HNF4A: variants seen among roughly 807,000 people sequenced by gnomAD.
The protein encoded by HNF4A is hepatocyte nuclear factor 4 alpha.
In HNF4A, 15 loss-of-function variants were observed where a neutral mutation model predicts 52.4. The observed-to-expected ratio is 0.29, with a 90% CI of 0.19 to 0.44. The LOEUF (loss-of-function observed/expected upper bound fraction) is 0.44. HNF4A is among the 20% of genes least tolerant of loss of function. The pLI, the probability that HNF4A is intolerant of heterozygous loss-of-function variation, is 1.00. For synonymous variants in HNF4A, 280 were observed against 264.4 expected (o/e 1.06, Z -0.57); for missense variants, 479 against 647.2 (o/e 0.74, Z 2.82).
chr20:44,411,465 C>T (rs1354857975), intron 3 of HNF4A, among the ~76,000 whole-genome samples: 1 of 151,716 alleles, frequency 6.6e-6, no homozygotes, highest in African/African-American at 2.4e-5. Context: ...TCATTCCGCC[C>T]GCCGGCCACT....
intron 1 of HNF4A, among the ~76,000 whole-genome samples, chr20:44,370,899 A>C (rs2063026734): frequency 6.6e-6 from 1 of 152,168 alleles, no homozygotes; most frequent in Non-Finnish European, 1.5e-5. Context: ...TGGGCCGCCA[A>C]ACTGCCAACG....
In HNF4A at chr20:44,428,441, C is replaced by G. The variant is rs955411893; in HGVS notation, c.1236C>G (p.Leu412=). The G allele has an allele frequency of 6.2e-7, 1 of 1,614,080 alleles. No individual in the cohort carries two copies. The highest frequency in any genetic ancestry group is 8.5e-7 in the Non-Finnish European group (1 of 1,180,042). The change falls in exon 9 of 10, where the codon CTC becomes CTG. Residue 412 remains leucine, a synonymous_variant. Coordinates refer to ENST00000316099, the MANE Select transcript of HNF4A (RefSeq NM_000457.6). The stretch of plus-strand genomic sequence containing the variant: ...TTGCCAACACAATGCCCACTCACCT[C>G]AGCAACGGACAGATGTGTGAGTGGC...
chr20:44,364,037 GC>G (rs2062945146), intron 1 of HNF4A, among the ~76,000 whole-genome samples: 1 of 152,062 alleles, frequency 6.6e-6, no homozygotes, highest in Non-Finnish European at 1.5e-5. Context: ...ATCTGGCTCA[GC>G]CATTGTCACA....
At chr20:44,400,512 A>AG (rs1403531379), upstream of HNF4A, among the ~76,000 whole-genome samples, 2 of 151,306 alleles carry the variant, frequency 1.3e-5, no homozygotes, top group Admixed American at 6.6e-5. Context: ...AGTAGACGGT[A>AG]GGTGCCTGAA....
At chr20:44,411,642 G>A (rs559059189) in intron 3 of HNF4A, among the ~76,000 whole-genome samples, 29 of 152,310 alleles carry the variant, frequency 1.9e-4, no homozygotes, top group Non-Finnish European at 2.8e-4. Flanking sequence ...TCTATCCACT[G>A]ACTCCCGGGC....
chr20:44,356,616 C>A (rs114522265), intron 1 of HNF4A, among the ~76,000 whole-genome samples: 1 of 152,152 alleles, frequency 6.6e-6, no homozygotes, highest in Non-Finnish European at 1.5e-5. Context: ...GAAAACGGTA[C>A]ACTGAAGAAC....
In HNF4A at chr20:44,362,951, C is replaced by T. The variant is rs371530686; in HGVS notation, c.49+7098C>T. On this transcript the variant is annotated intron_variant, in intron 1 of 9. Transcript: ENST00000316673. ...CTGCCTCCTGGGTTCAAACAATTCT[C>T]CTGCCTCAGCCTCCTGAGTAGCTGG... Among the ~76,000 whole-genome samples the T allele has an allele frequency of 2.6e-3, 398 of 151,822 alleles. 3 individuals are homozygous for T. In the South Asian group the frequency reaches 0.029, roughly 11 times the overall value.
chr20:44,390,417 G>GC (rs1387718507), intron 1 of HNF4A: 2 of 533,800 alleles, frequency 3.7e-6, no homozygotes, highest in African/African-American at 3.8e-5. Context: ...GGAGCCCCTT[G>GC]CAGAGCCCTG....
rs958629232 is a variant in HNF4A at position 44,364,317 on chromosome 20, C to A, written c.49+8464C>A. On this transcript the variant is annotated intron_variant, in intron 1 of 9. Coordinates refer to the HNF4A transcript ENST00000316673. ...TCAGCCTCCCAGCCCCTGGGATTACCTGCTCATGCCACTGCACCCGGCACT... is the reference window on the plus strand; with the variant it reads ...TCAGCCTCCCAGCCCCTGGGATTACATGCTCATGCCACTGCACCCGGCACT... Among the ~76,000 whole-genome samples the A allele has an allele frequency of 2.6e-5, 4 of 152,280 alleles. No homozygotes were observed. In the East Asian group the frequency reaches 7.7e-4, roughly 29 times the overall value.
chr20:44,378,918 CAAAA>C (rs61103959), intron 1 of HNF4A, among the ~76,000 whole-genome samples: 8 of 129,184 alleles, frequency 6.2e-5, no homozygotes, highest in Non-Finnish European at 9.9e-5. Context: ...GACCCCGTCT[CAAAA>C]AAAAAAAAAA....
chr20:44,417,060 A>G (rs759569793), intron 5 of HNF4A, among the ~76,000 whole-genome samples: 5 of 152,238 alleles, frequency 3.3e-5, no homozygotes, highest in Non-Finnish European at 7.3e-5. Flanking sequence ...GTTTTTAAAC[A>G]TTGTGCCTCC....
At chr20:44,368,538 C>T (rs1183952680) in intron 1 of HNF4A, among the ~76,000 whole-genome samples, 2 of 151,958 alleles carry the variant, frequency 1.3e-5, no homozygotes, top group African/African-American at 4.8e-5. Context: ...ATTCTGGGAT[C>T]CACATCCTCC....
chr20:44,373,756 C>T lies in HNF4A; in HGVS notation c.49+17903C>T, dbSNP rs373156315. On this transcript the variant is annotated intron_variant, in intron 1 of 9. Coordinates refer to the HNF4A transcript ENST00000316673. ...GCCCAGGCTAGAATAATGGCATGAT[C>T]TCGGCTCACTGCAACCTCCGCCTCC... 5.9e-5 allele frequency among the ~76,000 whole-genome samples: 9 copies of T among 152,052 alleles called. No individual in the cohort carries two copies. In the East Asian group the frequency reaches 9.7e-4, roughly 16 times the overall value.
At chr20:44,415,234 T>C (rs2063646922) in intron 5 of HNF4A, among the ~76,000 whole-genome samples, 1 of 152,124 alleles carries the variant, frequency 6.6e-6, no homozygotes, top group Non-Finnish European at 1.5e-5. Context: ...GTCTGAAAAG[T>C]ACAAAAATCA....
chr20:44,399,649 C>T (rs1261378399), upstream of HNF4A, among the ~76,000 whole-genome samples: 1 of 152,184 alleles, frequency 6.6e-6, no homozygotes, highest in African/African-American at 2.4e-5. Context: ...CATTCACTCA[C>T]TCATTAATTC....
chr20:44,369,429 C>CA (rs1313759805), intron 1 of HNF4A, among the ~76,000 whole-genome samples: 1 of 148,832 alleles, frequency 6.7e-6, no homozygotes. Context: ...GACCCTGCCT[C>CA]AAAAAAAGAG....
At position 44,401,376 on chromosome 20, in the gene HNF4A, C is replaced by T. The variant is rs755329974; in HGVS notation, c.4C>T (p.Arg2Ter). 3.7e-6 allele frequency: 6 copies of T among 1,613,950 alleles called. No individual in the cohort carries two copies. The highest frequency in any genetic ancestry group is 1.3e-5 in the African/African-American group (1 of 74,914). Reference sequence around the variant, plus strand: ...CCGCGGCGTGGAGGCAGGGAGAATGCGACTCTCCAAAACCCTCGTCGACAT... The same window carrying T: ...CCGCGGCGTGGAGGCAGGGAGAATGTGACTCTCCAAAACCCTCGTCGACAT... Residue 2 changes from arginine (R) to a stop codon, truncating the protein, a stop_gained, in exon 1 of 10, where the codon CGA (arginine) becomes TGA (stop). Coordinates refer to ENST00000316099, the MANE Select transcript of HNF4A (RefSeq NM_000457.6). LOFTEE classifies it high-confidence loss of function.
At chr20:44,418,334 C>T in intron 5 of HNF4A, 91 bp from the exon 6 acceptor site, 1 of 942,426 alleles carries the variant, frequency 1.1e-6, no homozygotes, top group Non-Finnish European at 1.8e-6. Flanking sequence ...CAGAGGGGAG[C>T]ATTAAGCTGA....
At chr20:44,407,327 C>A in intron 2 of HNF4A, 54 bp from the exon 3 acceptor site, 1 of 1,345,534 alleles carries the variant, frequency 7.4e-7, no homozygotes, top group South Asian at 1.2e-5. Flanking sequence ...CTAGTTCTGT[C>A]CTAAGAGGAG....
Sources: allele counts gnomAD v4.1 joint callset (sites outside exome capture counted in the v4.1 genomes callset), GRCh38; gene constraint gnomAD v4.1.1; transcripts MANE v1.5; gene names NCBI Gene and HGNC (gene_info 2026-07-23, HGNC 2026-07-21).